The following FAM83B variants were observed in gnomAD, a reference collection of about 807,000 sequenced individuals.
The protein encoded by FAM83B is scaffolding CK1 anchoring protein B, also known as protein FAM83B.
A neutral mutation model predicts 38.8 loss-of-function variants in FAM83B; 26 were observed. That is an observed-to-expected ratio of 0.67 (90% CI 0.49 to 0.93). The LOEUF (loss-of-function observed/expected upper bound fraction) is 0.93, where lower values mean the gene tolerates loss of function less well. Among genes scored for constraint, FAM83B ranks in the 40% least tolerant of loss-of-function variants. FAM83B has a pLI of 0.00. For synonymous variants in FAM83B, 419 were observed against 423.1 expected (o/e 0.99, Z 0.12); for missense variants, 1,237 against 1,197.3 (o/e 1.03, Z -0.49).
chr6:54,923,200 A>G (rs894862217), intron 2 of FAM83B, among the ~76,000 whole-genome samples: 4 of 152,100 alleles, frequency 2.6e-5, no homozygotes, highest in Non-Finnish European at 4.4e-5. Flanking sequence ...TTTTAAAGAT[A>G]AGATATATAT....
At chr6:54,851,242 G>A (rs1009272114) in intron 1 of FAM83B, among the ~76,000 whole-genome samples, 5 of 148,012 alleles carry the variant, frequency 3.4e-5, no homozygotes, top group African/African-American at 7.5e-5. Flanking sequence ...TCCTCCTTTT[G>A]TCCCTTCTCT....
intron 4 of FAM83B, among the ~76,000 whole-genome samples, chr6:54,930,785 C>T (rs1773402805): frequency 6.6e-6 from 1 of 151,678 alleles, no homozygotes; most frequent in South Asian, 2.1e-4. Context: ...TAGGTTGTTG[C>T]GTGAGATCTT....
intron 1 of FAM83B, among the ~76,000 whole-genome samples, chr6:54,852,676 C>G (rs1234976723): frequency 6.6e-6 from 1 of 152,190 alleles, no homozygotes; most frequent in East Asian, 1.9e-4. Context: ...AGGCTAAAAG[C>G]TAAATCTCTT....
chr6:54,921,988 G>T (rs1773183407), intron 2 of FAM83B, among the ~76,000 whole-genome samples: 1 of 152,032 alleles, frequency 6.6e-6, no homozygotes, highest in Non-Finnish European at 1.5e-5. Context: ...AGAGTACAAA[G>T]AAACAGAAGC....
chr6:54,895,375 C>T (rs1413835279), intron 2 of FAM83B, among the ~76,000 whole-genome samples: 1 of 152,166 alleles, frequency 6.6e-6, no homozygotes, highest in Non-Finnish European at 1.5e-5. Flanking sequence ...TTCTATTATA[C>T]CTCCGTGGGA....
At chr6:54,849,068 G>A (rs1771205378) in intron 1 of FAM83B, among the ~76,000 whole-genome samples, 1 of 152,200 alleles carries the variant, frequency 6.6e-6, no homozygotes, top group Admixed American at 6.5e-5. Context: ...TTAGAATTTT[G>A]TTGTTGAATT....
At chr6:54,880,635 G>A (rs1198951907) in intron 2 of FAM83B, among the ~76,000 whole-genome samples, 1 of 151,850 alleles carries the variant, frequency 6.6e-6, no homozygotes, top group Admixed American at 6.6e-5. Flanking sequence ...AATAGAGACA[G>A]GGTTTCACCA....
intron 2 of FAM83B, among the ~76,000 whole-genome samples, chr6:54,872,769 C>G: frequency 6.6e-6 from 1 of 152,186 alleles, no homozygotes; most frequent in Middle Eastern, 3.4e-3. Context: ...CTTGAATTAG[C>G]GAGCTGAAGA....
At chr6:54,856,741 A>G (rs1425334463) in intron 1 of FAM83B, among the ~76,000 whole-genome samples, 3 of 152,176 alleles carry the variant, frequency 2.0e-5, no homozygotes, top group Non-Finnish European at 4.4e-5. Flanking sequence ...GGTAACATAA[A>G]GAGAAAAGCA....
chr6:54,940,886 T>C lies in FAM83B; in HGVS notation c.1915T>C (p.Tyr639His), dbSNP rs751730940. The C allele has an allele frequency of 9.3e-6, 15 of 1,613,770 alleles. No individual in the cohort carries two copies. The South Asian group carries it at 1.5e-4, about 17-fold the overall frequency. The change falls in exon 5 of 5, where the codon TAT (tyrosine) becomes CAT (histidine). Residue 639 changes from tyrosine to histidine, a missense_variant. Physicochemically the swap from Tyr to His is moderately conservative, Grantham distance 83. Coordinates refer to ENST00000306858, the MANE Select transcript of FAM83B (RefSeq NM_001010872.3). ...NGHTESNNYIYKTLGVNKQTE... is the reference protein window; with the variant it reads ...NGHTESNNYIHKTLGVNKQTE... ...CCATACTGAATCAAATAACTATATA[T>C]ATAAAACCTTGGGTGTAAATAAGCA... is the stretch of plus-strand genomic sequence containing the variant.
chr6:54,856,082 A>G (rs745957630), intron 1 of FAM83B, among the ~76,000 whole-genome samples: 1 of 152,190 alleles, frequency 6.6e-6, no homozygotes, highest in Non-Finnish European at 1.5e-5. Flanking sequence ...ATTGCTAAAT[A>G]ATGGCCACAA....
In FAM83B at chr6:54,940,039, C is replaced by T. The variant is rs146308738; in HGVS notation, c.1068C>T (p.His356=). Residue 356 remains histidine, a synonymous_variant, in exon 5 of 5, where the codon CAC becomes CAT. Coordinates refer to ENST00000306858, the MANE Select transcript of FAM83B (RefSeq NM_001010872.3). ...NEHDKYNIRS[H]GYKPHFVPNF... ...ATGACAAATATAACATAAGAAGTCA[C>T]GGATACAAACCTCATTTTGTTCCTA... 3.3e-5 allele frequency: 53 copies of T among 1,613,888 alleles called. 1 individual carries two copies. In the Middle Eastern group the frequency reaches 5.0e-4, roughly 15 times the overall value.
intron 1 of FAM83B, 82 bp downstream of exon 1, chr6:54,846,908 T>TGGGGGG (rs148815760): frequency 7.3e-5 from 11 of 151,198 alleles, no homozygotes; most frequent in African/African-American, 2.0e-4. Context: ...CTTGGGGTAC[T>TGGGGGG]GGGGGGGCCC....
intron 2 of FAM83B, among the ~76,000 whole-genome samples, chr6:54,909,141 T>G (rs1484059876): frequency 7.5e-6 from 1 of 133,036 alleles, no homozygotes; most frequent in Non-Finnish European, 1.6e-5. Context: ...TTTACTAAGA[T>G]TCATGTTTTT....
At chr6:54,886,747 CT>C (rs1391511030) in intron 2 of FAM83B, among the ~76,000 whole-genome samples, 1 of 151,220 alleles carries the variant, frequency 6.6e-6, no homozygotes, top group Non-Finnish European at 1.5e-5. Context: ...TTCCCTTTTT[CT>C]TTTTTCTATT....
intron 2 of FAM83B, among the ~76,000 whole-genome samples, chr6:54,882,009 C>G (rs985450474): frequency 6.6e-6 from 1 of 152,168 alleles, no homozygotes; most frequent in Non-Finnish European, 1.5e-5. Flanking sequence ...TGAGAACATG[C>G]GGTGTCTGGT....
chr6:54,852,015 T>C lies in FAM83B; in HGVS notation c.-61+5189T>C, dbSNP rs565700468. 6.2e-5 allele frequency among the ~76,000 whole-genome samples: 9 copies of C among 145,534 alleles called. No individual in the cohort carries two copies. The East Asian group carries it at 1.8e-3, about 28-fold the overall frequency. On this transcript the variant is annotated intron_variant, in intron 1 of 4. Coordinates refer to ENST00000306858, the MANE Select transcript of FAM83B (RefSeq NM_001010872.3). ...CCTGGCTGGTCTCAAACTCCTGACC[T>C]TGTGATCCACCCACCTCGGCCTCCC...
At chr6:54,890,035 TGAAAA>T (rs1335216670) in intron 2 of FAM83B, among the ~76,000 whole-genome samples, 1 of 152,038 alleles carries the variant, frequency 6.6e-6, no homozygotes, top group Non-Finnish European at 1.5e-5. Flanking sequence ...ATTCAAAACA[TGAAAA>T]GAACAGCCAT....
chr6:54,912,902 A>G (rs1481965217), intron 2 of FAM83B, among the ~76,000 whole-genome samples: 1 of 152,048 alleles, frequency 6.6e-6, no homozygotes, highest in African/African-American at 2.4e-5. Flanking sequence ...GTAGATAGAA[A>G]TTGACTATTG....
Sources: allele counts gnomAD v4.1 joint callset (sites outside exome capture counted in the v4.1 genomes callset), GRCh38; gene constraint gnomAD v4.1.1; transcripts MANE v1.5; gene names NCBI Gene and HGNC (gene_info 2026-07-23, HGNC 2026-07-21).